Variants in GABRG2 observed in about 807,000 individuals in gnomAD.
GABRG2 encodes gamma-aminobutyric acid receptor subunit gamma-2.
In GABRG2, 16 loss-of-function variants were observed where a neutral mutation model predicts 56.4. That is an observed-to-expected ratio of 0.28 (90% CI 0.19 to 0.43). The LOEUF (loss-of-function observed/expected upper bound fraction) is 0.43, where lower values mean the gene tolerates loss of function less well. Ranked by LOEUF, GABRG2 falls within the 20% of genes least tolerant of loss-of-function variation. GABRG2 has a pLI of 1.00. For synonymous variants in GABRG2, 208 were observed against 205.5 expected (o/e 1.01, Z -0.10); for missense variants, 327 against 582.7 (o/e 0.56, Z 4.52).
At position 162,155,159 on chromosome 5, in the gene GABRG2, T is replaced by A. The variant is rs1227861595; in HGVS notation, c.*1791T>A. 1.3e-5 allele frequency: 2 copies of A among 152,526 alleles called. No individual in the cohort carries two copies. Among genetic ancestry groups the A allele is most frequent in the Non-Finnish European group, 2.9e-5 (2 of 68,022 alleles). The allele number at this position is 152,526 out of a possible 1,614,324, so 9.4% of individuals were successfully genotyped here. ...CATCTGGATGAATCTTGAAACACAT[T>A]TAGCTGCCAGTTTTACAAACCTTTA... On this transcript the variant is annotated 3_prime_UTR_variant, in exon 10 of 10. Transcript: ENST00000639213.
Position 162,087,705 on chromosome 5 carries a change from A to G in GABRG2, c.108-6123A>G, listed in dbSNP as rs115673528. ...AACTCCCAGAAGCTCATCTTACCTT[A>G]GGATTTACAATTATATCTGTCAGTG... On this transcript the variant is annotated intron_variant, in intron 1 of 9. Coordinates refer to ENST00000639213, the MANE Select transcript of GABRG2 (RefSeq NM_198904.4). Among the ~76,000 whole-genome samples the G allele has an allele frequency of 9.7e-3, 1,483 of 152,252 alleles. 8 individuals carry two copies. Among genetic ancestry groups the G allele is most frequent in the Non-Finnish European group, 0.015 (1,004 of 67,994 alleles).
At position 162,076,129 on chromosome 5, in the gene GABRG2, G is replaced by T. The variant is rs1206540036; in HGVS notation, c.107+8023G>T. Among the ~76,000 whole-genome samples the T allele has an allele frequency of 2.0e-5, 3 of 152,108 alleles. No individual in the cohort carries two copies. In the East Asian group the frequency reaches 5.8e-4, roughly 29 times the overall value. ...TTTGCACCACTGTACTCAAGCCTGG[G>T]TGACAGAGTGAGACCCCGTCTCAAA... On this transcript the variant is annotated intron_variant, in intron 1 of 9. Transcript: ENST00000639213.
intron 6 of GABRG2, among the ~76,000 whole-genome samples, chr5:162,110,006 T>C (rs942134714): frequency 3.3e-5 from 5 of 152,140 alleles, no homozygotes; most frequent in Non-Finnish European, 5.9e-5. Flanking sequence ...ACACCAAGGT[T>C]TCATGAAACA....
Position 162,071,289 on chromosome 5 carries a change from AT to A in GABRG2, c.107+3184del, listed in dbSNP as rs762205739. On this transcript the variant is annotated intron_variant, in intron 1 of 9. Coordinates refer to ENST00000639213, the MANE Select transcript of GABRG2 (RefSeq NM_198904.4). ...GTAAAAATACCCTAAAGGGAAAAAA[AT>A]ATATAGAAAAACATAAAAAATAATT... is the stretch of plus-strand genomic sequence containing the variant. Among the ~76,000 whole-genome samples, 10 of 151,430 alleles carry A rather than the reference AT, an allele frequency of 6.6e-5. No individual in the cohort carries two copies. The South Asian group carries it at 1.9e-3, about 28-fold the overall frequency.
chr5:162,144,389 A>T (rs569416346), intron 7 of GABRG2, among the ~76,000 whole-genome samples: 1 of 152,186 alleles, frequency 6.6e-6, no homozygotes, highest in East Asian at 1.9e-4. Flanking sequence ...TGGGTAACTC[A>T]TTTAACCCAC....
intron 6 of GABRG2, among the ~76,000 whole-genome samples, chr5:162,111,484 GAC>G (rs1220191067): frequency 6.6e-6 from 1 of 152,072 alleles, no homozygotes; most frequent in Non-Finnish European, 1.5e-5. Context: ...GTTTCAAGGT[GAC>G]ACATGTCATT....
intron 6 of GABRG2, among the ~76,000 whole-genome samples, chr5:162,129,617 T>C (rs779377321): frequency 2.0e-5 from 3 of 151,936 alleles, no homozygotes; most frequent in Non-Finnish European, 2.9e-5. Flanking sequence ...TTTTTTCCAT[T>C]TTCATCTGCG....
rs891662827 is a variant in GABRG2 at position 162,137,970 on chromosome 5, G to A, written c.770-4194G>A. ...TGATAGATTTTCACTACGTTGCCCAGGCTGGTGTTGAACTCCTGGACTCAA... is the reference window on the plus strand; with the variant it reads ...TGATAGATTTTCACTACGTTGCCCAAGCTGGTGTTGAACTCCTGGACTCAA... On this transcript the variant is annotated intron_variant, in intron 6 of 9. Transcript: ENST00000639213. Among the ~76,000 whole-genome samples, 5 of 151,138 alleles carry A rather than the reference G, an allele frequency of 3.3e-5. No individual in the cohort carries two copies. In the South Asian group the frequency reaches 6.3e-4, roughly 19 times the overall value.
chr5:162,082,445 A>G (rs1759741476), intron 1 of GABRG2, among the ~76,000 whole-genome samples: 1 of 151,800 alleles, frequency 6.6e-6, no homozygotes, highest in African/African-American at 2.4e-5. Flanking sequence ...TTGACGTAAC[A>G]CATGCTTAAA....
intron 9 of GABRG2, chr5:162,152,607 T>G: frequency 4.2e-6 from 1 of 239,670 alleles, no homozygotes; most frequent in Non-Finnish European, 8.4e-6. Context: ...TTATATATAT[T>G]TTAACATTTT....
At chr5:162,142,418 A>C in intron 7 of GABRG2, 102 bp downstream of exon 7, 1 of 1,210,176 alleles carries the variant, frequency 8.3e-7, no homozygotes, top group South Asian at 1.2e-5. Flanking sequence ...TTTAGCCTGC[A>C]ATTGCATAGA....
At chr5:162,076,133 C>T (rs1759085994) in intron 1 of GABRG2, among the ~76,000 whole-genome samples, 1 of 152,040 alleles carries the variant, frequency 6.6e-6, no homozygotes, top group African/African-American at 2.4e-5. Context: ...GCCTGGGTGA[C>T]AGAGTGAGAC....
At chr5:162,103,643 C>T in intron 5 of GABRG2, 1 of 524,962 alleles carries the variant, frequency 1.9e-6, no homozygotes, top group Non-Finnish European at 3.4e-6. Flanking sequence ...TGTAGTATAC[C>T]TTCTATGTCA....
chr5:162,127,288 A>C, intron 6 of GABRG2, among the ~76,000 whole-genome samples: 1 of 151,962 alleles, frequency 6.6e-6, no homozygotes, highest in East Asian at 1.9e-4. Flanking sequence ...TACTTTAGAT[A>C]TTTGTGGCTA....
rs373287349 is a variant in GABRG2, at chr5:162,073,121, C to G, written c.107+5015C>G. On this transcript the variant is annotated intron_variant, in intron 1 of 9. Coordinates refer to ENST00000639213, the MANE Select transcript of GABRG2 (RefSeq NM_198904.4). ...CAACAGATACTTTACATCCATTCAG[C>G]CCACTGAATAAATCAAAATGTCGAA... is the stretch of plus-strand genomic sequence containing the variant. Among the ~76,000 whole-genome samples the G allele has an allele frequency of 1.8e-3, 275 of 151,862 alleles. 3 individuals carry two copies. The highest frequency in any genetic ancestry group is 6.2e-3 in the African/African-American group (259 of 41,484).
chr5:162,117,656 T>C (rs1164020627), intron 6 of GABRG2, among the ~76,000 whole-genome samples: 1 of 152,148 alleles, frequency 6.6e-6, no homozygotes, highest in Non-Finnish European at 1.5e-5. Flanking sequence ...TAATTTAAAA[T>C]ATTGCCATAT....
At chr5:162,070,682 A>G (rs1443726882) in intron 1 of GABRG2, among the ~76,000 whole-genome samples, 1 of 152,092 alleles carries the variant, frequency 6.6e-6, no homozygotes, top group Non-Finnish European at 1.5e-5. Context: ...AATAACTAAT[A>G]TCTCTTCTTA....
intron 6 of GABRG2, among the ~76,000 whole-genome samples, chr5:162,120,408 T>A (rs1269973104): frequency 6.6e-6 from 1 of 152,140 alleles, no homozygotes; most frequent in Non-Finnish European, 1.5e-5. Flanking sequence ...CTTTTTGAGA[T>A]TATTACTCTA....
intron 6 of GABRG2, among the ~76,000 whole-genome samples, chr5:162,138,697 G>C (rs1380469826): frequency 1.3e-5 from 2 of 152,240 alleles, no homozygotes; most frequent in East Asian, 3.9e-4. Context: ...AGTTGAATAA[G>C]AGTGACGAGA....
Sources: allele counts gnomAD v4.1 joint callset (sites outside exome capture counted in the v4.1 genomes callset), GRCh38; gene constraint gnomAD v4.1.1; transcripts MANE v1.5; gene names NCBI Gene and HGNC (gene_info 2026-07-23, HGNC 2026-07-21).